The following MLIP variants were observed in gnomAD, a reference collection of about 807,000 sequenced individuals.
MLIP encodes the protein muscular LMNA-interacting protein.
MLIP carries 79 observed loss-of-function variants against 84.8 expected under a neutral mutation model. The observed-to-expected ratio is 0.93, with a 90% CI of 0.78 to 1.12. MLIP has a LOEUF of 1.12. MLIP is among the 50% of genes most tolerant of loss of function. The probability of loss-of-function intolerance (pLI) is 0.00; values close to 1 mark genes in which losing one functional copy is unlikely to be tolerated. For synonymous variants in MLIP, 504 were observed against 463.0 expected, an observed-to-expected ratio of 1.09 and a Z score of -1.14; for missense variants, 1,257 against 1,160.6, an observed-to-expected ratio of 1.08 and a Z score of -1.21.
rs1332332282 is a variant in MLIP at position 54,230,719 on chromosome 6, A to G, written c.2724A>G (p.Val908=). 6.2e-7 allele frequency: 1 copy of G among 1,613,956 alleles called. No homozygotes were observed. The highest frequency in any genetic ancestry group is 1.7e-5 in the Admixed American group (1 of 60,004). Residue 908 remains valine, a synonymous_variant, in exon 12 of 14, where the codon GTA becomes GTG. Transcript: ENST00000502396. The stretch of plus-strand genomic sequence containing the variant: ...CCTTTCTTCTTCCCCACCAGGATGT[A>G]ACAGTCCCTCCCAAGCCTGTCTCGC... The part of the protein sequence containing the change: ...DNSDLFSEQD[V]TVPPKPVSLH...
chr6:54,260,757 T>A (rs952329658), intron 13 of MLIP, among the ~76,000 whole-genome samples: 1 of 152,042 alleles, frequency 6.6e-6, no homozygotes, highest in African/African-American at 2.4e-5. Context: ...TGAGATCCAC[T>A]GTAATTTCAT....
At position 54,160,376 on chromosome 6, in the gene MLIP, G is replaced by A. The variant is rs2150561824; in HGVS notation, c.2299G>A (p.Glu767Lys). The A allele has an allele frequency of 3.7e-6, 6 of 1,612,008 alleles. No homozygotes were observed. Among genetic ancestry groups the A allele is most frequent in the South Asian group, 3.3e-5 (3 of 91,016 alleles). Residue 767 changes from glutamate (E) to lysine (K), a missense_variant, in exon 6 of 14, where the codon GAA (glutamate) becomes AAA (lysine). Transcript: ENST00000502396. The stretch of plus-strand genomic sequence containing the variant: ...TTTCATTTGTCACTAGGCACTAGAT[G>A]AACCAGCCAAGACTGAAAGTGTCTC... ...TLLLEQKALD[E>K]PAKTESVSKD...
At chr6:54,190,323 T>G (rs1013237757) in intron 10 of MLIP, among the ~76,000 whole-genome samples, 1 of 152,164 alleles carries the variant, frequency 6.6e-6, no homozygotes, top group African/African-American at 2.4e-5. Flanking sequence ...AGAATTAGCA[T>G]GCAAATGGTC....
rs534280023 is a variant in MLIP, at chr6:54,124,732, G to C, written c.512G>C (p.Arg171Pro). The change falls in exon 3 of 14, where the codon CGG (arginine) becomes CCG (proline). Residue 171 changes from arginine to proline, a missense_variant. Arg to Pro is a moderately radical substitution (Grantham distance 103). Transcript: ENST00000502396. ...GGGGGGATTGGCACCGCAGCTGTCC[G>C]GCCCAAGTCTCTAGCTATCTCGTCC... The part of the protein sequence containing the change: ...PPGGIGTAAV[R>P]PKSLAISSSL... 5.6e-6 allele frequency: 9 copies of C among 1,614,176 alleles called. No individual in the cohort carries two copies. In the African/African-American group the frequency reaches 1.2e-4, roughly 22 times the overall value.
intron 1 of MLIP, among the ~76,000 whole-genome samples, chr6:54,048,545 G>A (rs1273584017): frequency 2.0e-5 from 3 of 152,160 alleles, no homozygotes; most frequent in Non-Finnish European, 2.9e-5. Flanking sequence ...AACTGGCTTC[G>A]ATCTACTCTA....
chr6:54,242,186 A>G (rs1781784924), intron 12 of MLIP, among the ~76,000 whole-genome samples: 2 of 152,198 alleles, frequency 1.3e-5, no homozygotes, highest in Middle Eastern at 3.2e-3. Flanking sequence ...CAGAGTGGGT[A>G]GGTGGGAGAG....
chr6:54,238,578 A>G (rs1335143131), intron 12 of MLIP, among the ~76,000 whole-genome samples: 1 of 152,202 alleles, frequency 6.6e-6, no homozygotes, highest in African/African-American at 2.4e-5. Flanking sequence ...ACAAACGAGA[A>G]ACACATGGCC....
upstream of MLIP, among the ~76,000 whole-genome samples, chr6:54,107,246 A>G (rs1256111053): frequency 2.0e-5 from 3 of 152,248 alleles, no homozygotes; most frequent in African/African-American, 7.2e-5. Context: ...CAAGGAGAAG[A>G]GTAAGCAGTA....
At chr6:54,184,913 T>G (rs993802494) in intron 9 of MLIP, among the ~76,000 whole-genome samples, 1 of 152,182 alleles carries the variant, frequency 6.6e-6, no homozygotes, top group African/African-American at 2.4e-5. Context: ...AATGTTACTC[T>G]TCCCAGTTGG....
At chr6:54,126,864 AC>A (rs983267873) in intron 3 of MLIP, among the ~76,000 whole-genome samples, 3 of 152,162 alleles carry the variant, frequency 2.0e-5, no homozygotes, top group Non-Finnish European at 2.9e-5. Flanking sequence ...TCTGTAAATT[AC>A]CTCTATTGGT....
chr6:54,176,647 A>G (rs1008365727), intron 9 of MLIP, among the ~76,000 whole-genome samples: 2 of 152,146 alleles, frequency 1.3e-5, no homozygotes, highest in African/African-American at 4.8e-5. Flanking sequence ...TATAGATTCA[A>G]TGCTATTCCC....
chr6:54,106,296 GTT>G (rs961950225), intron 1 of MLIP, among the ~76,000 whole-genome samples: 1 of 150,250 alleles, frequency 6.7e-6, no homozygotes, highest in African/African-American at 2.4e-5. Context: ...TGGGCAAGAA[GTT>G]TTTTTTTTCT....
At chr6:54,221,879 C>T (rs1464542999) in intron 11 of MLIP, among the ~76,000 whole-genome samples, 12 of 151,612 alleles carry the variant, frequency 7.9e-5, no homozygotes, top group Non-Finnish European at 1.8e-4. Flanking sequence ...CTATTAATTG[C>T]CAAGATGGAA....
At chr6:54,145,759 G>T (rs1467480982) in intron 4 of MLIP, among the ~76,000 whole-genome samples, 3 of 150,804 alleles carry the variant, frequency 2.0e-5, no homozygotes, top group African/African-American at 4.9e-5. Context: ...CTAGGCAACA[G>T]AGAAAGACTC....
At chr6:54,136,158 A>G (rs1405366430) in intron 3 of MLIP, among the ~76,000 whole-genome samples, 2 of 152,210 alleles carry the variant, frequency 1.3e-5, no homozygotes, top group Non-Finnish European at 2.9e-5. Context: ...TCAATTTATC[A>G]TTCTGTGTTG....
At chr6:54,204,354 T>C (rs1385572682) in intron 11 of MLIP, among the ~76,000 whole-genome samples, 1 of 152,200 alleles carries the variant, frequency 6.6e-6, no homozygotes, top group Non-Finnish European at 1.5e-5. Flanking sequence ...GAAATATCTA[T>C]TGCTTGTATG....
At chr6:54,207,305 T>C (rs1029593325) in intron 11 of MLIP, among the ~76,000 whole-genome samples, 24 of 152,140 alleles carry the variant, frequency 1.6e-4, no homozygotes, top group Non-Finnish European at 4.4e-5. Context: ...TCTTAGTATA[T>C]ATCTTTTTTA....
chr6:54,094,920 C>A (rs1768107418), intron 1 of MLIP, among the ~76,000 whole-genome samples: 1 of 152,120 alleles, frequency 6.6e-6, no homozygotes, highest in Non-Finnish European at 1.5e-5. Flanking sequence ...TCTGACAAGG[C>A]CTTCTGGCTC....
intron 1 of MLIP, among the ~76,000 whole-genome samples, chr6:54,095,907 T>C (rs1768178419): frequency 6.6e-6 from 1 of 152,124 alleles, no homozygotes; most frequent in South Asian, 2.1e-4. Flanking sequence ...TTCCTCATAA[T>C]AAGCAAGTCA....
Sources: gnomAD v4.1 joint callset for allele counts (sites outside exome capture counted in the v4.1 genomes callset) on GRCh38, gnomAD v4.1.1 for gene constraint, MANE v1.5 for transcripts, NCBI Gene and HGNC (gene_info 2026-07-23, HGNC 2026-07-21) for gene names.